PKD2: variants seen among roughly 807,000 people sequenced by gnomAD.
PKD2 encodes polycystin-2.
In PKD2, 48 loss-of-function variants were observed where a neutral mutation model predicts 105.9. The ratio of observed to expected loss-of-function variants is 0.45; its 90% CI spans 0.36 to 0.58. The LOEUF (loss-of-function observed/expected upper bound fraction) is 0.58, where lower values mean the gene tolerates loss of function less well. PKD2 is among the 20% of genes least tolerant of loss of function. The pLI, the probability that PKD2 is intolerant of heterozygous loss-of-function variation, is 0.00. For synonymous variants in PKD2, 464 were observed against 481.1 expected, an observed-to-expected ratio of 0.96 and a Z score of 0.46; for missense variants, 1,078 against 1,255.3, an observed-to-expected ratio of 0.86 and a Z score of 2.13.
chr4:88,057,038 G>A (rs951808126), intron 8 of PKD2, among the ~76,000 whole-genome samples: 1 of 151,900 alleles, frequency 6.6e-6, no homozygotes, highest in African/African-American at 2.4e-5. Context: ...TGCCCAGGCT[G>A]GAGTGCAGTG....
At chr4:88,028,688 A>G (rs541944882) in intron 2 of PKD2, among the ~76,000 whole-genome samples, 1 of 152,378 alleles carries the variant, frequency 6.6e-6, no homozygotes, top group Non-Finnish European at 1.5e-5. Flanking sequence ...GCTTACTGCC[A>G]CTGCCCAGCA....
At chr4:88,069,138 G>A (rs1213015097) in intron 13 of PKD2, among the ~76,000 whole-genome samples, 1 of 152,050 alleles carries the variant, frequency 6.6e-6, no homozygotes, top group African/African-American at 2.4e-5. Flanking sequence ...CTGTTTGCAT[G>A]ATAAATCTTT....
At chr4:88,013,847 C>T (rs1726469410) in intron 1 of PKD2, among the ~76,000 whole-genome samples, 2 of 152,168 alleles carry the variant, frequency 1.3e-5, no homozygotes, top group Admixed American at 1.3e-4. Flanking sequence ...AGACCTGTTC[C>T]TGTTACAGCA....
chr4:88,061,104 C>G (rs1350749935), intron 9 of PKD2, among the ~76,000 whole-genome samples: 3 of 152,072 alleles, frequency 2.0e-5, no homozygotes, highest in Non-Finnish European at 4.4e-5. Context: ...GCCTTTTAAA[C>G]TCTTTAAAAA....
chr4:88,038,953 T>G (rs1481119976), intron 4 of PKD2, among the ~76,000 whole-genome samples: 1 of 152,202 alleles, frequency 6.6e-6, no homozygotes, highest in African/African-American at 2.4e-5. Context: ...TTGTTAGGTT[T>G]AAAGCCCATT....
At chr4:88,049,810 T>A (rs1719971095) in intron 6 of PKD2, among the ~76,000 whole-genome samples, 1 of 152,108 alleles carries the variant, frequency 6.6e-6, no homozygotes, top group Non-Finnish European at 1.5e-5. Context: ...CTTTTTTCTT[T>A]CCCCAACATA....
At chr4:88,019,342 A>G (rs1363238978) in intron 1 of PKD2, 116 bp from the exon 2 acceptor site, 2 of 634,312 alleles carry the variant, frequency 3.2e-6, no homozygotes, top group East Asian at 5.7e-5. Flanking sequence ...AAAAAAAAAA[A>G]GGAGAATCTC....
rs202112108 is a variant in PKD2, at chr4:88,063,531, C to CAA, written c.2118+1538_2118+1539dup. ...GGGTAACAAGAGCGAAACTCCGTCT[C>CAA]AAAAAAAAAAAAGAAAAGAAAAGAA... is the stretch of plus-strand genomic sequence containing the variant. On this transcript the variant is annotated intron_variant, in intron 10 of 14. Transcript: ENST00000237596. Among the ~76,000 whole-genome samples, 25 of 98,140 alleles carry CAA rather than the reference C, an allele frequency of 2.5e-4. No homozygotes were observed. In the East Asian group the frequency reaches 3.7e-3, roughly 15 times the overall value. 64.4% of individuals were successfully genotyped at this position (98,140 alleles called of 152,430 possible). A position where few individuals can be genotyped will look rare whatever the true frequency, so the allele number is the denominator to read the frequency against.
rs931381825 is a variant in PKD2 at position 88,077,244 on chromosome 4, G to C, written c.*1550G>C. 6.6e-6 allele frequency: 1 copy of C among 152,612 alleles called. No individual in the cohort carries two copies. Among genetic ancestry groups the C allele is most frequent in the African/African-American group, 2.4e-5 (1 of 41,448 alleles). 9.5% of individuals were successfully genotyped at this position (152,612 alleles called of 1,614,324 possible). A position where few individuals can be genotyped will look rare whatever the true frequency, so the allele number is the denominator to read the frequency against. On this transcript the variant is annotated 3_prime_UTR_variant, in exon 15 of 15. Coordinates refer to ENST00000237596, the MANE Select transcript of PKD2 (RefSeq NM_000297.4). ...TCTCCAATGAGAACATGAGCAAATA[G>C]ACCTTTCCAGGTTGAAAGTGAAACA...
At chr4:88,065,696 TC>T in intron 11 of PKD2, 65 bp from the exon 12 acceptor site, 1 of 1,278,676 alleles carries the variant, frequency 7.8e-7, no homozygotes, top group Non-Finnish European at 1.1e-6. Flanking sequence ...CATTTTGATG[TC>T]TCTGTGTTGA....
At chr4:88,042,637 C>A (rs1727608708) in intron 4 of PKD2, among the ~76,000 whole-genome samples, 1 of 152,184 alleles carries the variant, frequency 6.6e-6, no homozygotes, top group African/African-American at 2.4e-5. Context: ...AGCCTTATTT[C>A]TTTTCTCTTT....
intron 8 of PKD2, among the ~76,000 whole-genome samples, chr4:88,057,184 C>G (rs1055351848): frequency 6.6e-6 from 1 of 151,810 alleles, no homozygotes; most frequent in Non-Finnish European, 1.5e-5. Context: ...GAGAAGGGAT[C>G]TCACTGTGTA....
intron 13 of PKD2, among the ~76,000 whole-genome samples, chr4:88,069,156 C>A (rs1306660231): frequency 1.3e-5 from 2 of 152,006 alleles, no homozygotes; most frequent in Non-Finnish European, 2.9e-5. Flanking sequence ...TTTTTCCATC[C>A]TTTTACTTTA....
chr4:88,045,213 C>G (rs961445455), intron 5 of PKD2, among the ~76,000 whole-genome samples: 8 of 152,162 alleles, frequency 5.3e-5, no homozygotes, highest in African/African-American at 1.9e-4. Flanking sequence ...CCAGAATGGG[C>G]CAGAGAAATG....
chr4:88,036,676 C>A (rs576223220), intron 3 of PKD2, among the ~76,000 whole-genome samples: 10 of 152,140 alleles, frequency 6.6e-5, no homozygotes, highest in Non-Finnish European at 8.8e-5. Context: ...TGTTTAAATG[C>A]GTATGGTCAC....
chr4:88,049,845 C>G (rs538284077), intron 6 of PKD2, among the ~76,000 whole-genome samples: 1 of 151,996 alleles, frequency 6.6e-6, no homozygotes, highest in East Asian at 1.9e-4. Flanking sequence ...CAGGCTGCAT[C>G]AGTCAGCCAT....
At chr4:88,045,895 A>C (rs951372782) in intron 5 of PKD2, among the ~76,000 whole-genome samples, 1 of 152,194 alleles carries the variant, frequency 6.6e-6, no homozygotes, top group African/African-American at 2.4e-5. Flanking sequence ...ATATATGTAC[A>C]AAATATATCC....
chr4:88,067,289 C>G (rs1720832631), intron 12 of PKD2, among the ~76,000 whole-genome samples: 1 of 152,168 alleles, frequency 6.6e-6, no homozygotes, highest in Non-Finnish European at 1.5e-5. Flanking sequence ...AATCCCAAAT[C>G]CAAAACACTT....
intron 2 of PKD2, among the ~76,000 whole-genome samples, chr4:88,023,888 G>A (rs974445671): frequency 3.9e-5 from 6 of 152,120 alleles, no homozygotes; most frequent in Middle Eastern, 3.2e-3. Flanking sequence ...TGCTCACCAA[G>A]AGCTTATTTT....
Sources: gnomAD v4.1 joint callset for allele counts (sites outside exome capture counted in the v4.1 genomes callset) on GRCh38, gnomAD v4.1.1 for gene constraint, MANE v1.5 for transcripts, NCBI Gene and HGNC (gene_info 2026-07-23, HGNC 2026-07-21) for gene names.